The following ITGBL1 variants were observed in gnomAD, a reference collection of about 807,000 sequenced individuals.
The protein encoded by ITGBL1 is integrin beta-like protein 1.
ITGBL1 carries 51 observed loss-of-function variants against 68.5 expected under a neutral mutation model. The ratio of observed to expected loss-of-function variants is 0.74; its 90% confidence interval spans 0.59 to 0.94. The LOEUF is 0.94. Ranked by LOEUF, ITGBL1 falls within the 40% of genes least tolerant of loss-of-function variation. The pLI is 0.00. For missense variants in ITGBL1, 649 were observed against 647.4 expected (o/e 1.00, Z -0.03); for synonymous variants, 209 against 227.3 (o/e 0.92, Z 0.72).
chr13:101,592,478 A>G (rs911148871), intron 6 of ITGBL1, among the ~76,000 whole-genome samples: 1 of 152,088 alleles, frequency 6.6e-6, no homozygotes, highest in South Asian at 2.1e-4. Context: ...TGCACCAAAA[A>G]CTGTAAAACA....
intron 2 of ITGBL1, among the ~76,000 whole-genome samples, chr13:101,455,003 CT>C (rs1444616991): frequency 1.3e-5 from 2 of 152,164 alleles, no homozygotes; most frequent in Non-Finnish European, 2.9e-5. Flanking sequence ...CCCTTAACCT[CT>C]TTACCTGTGT....
intron 2 of ITGBL1, among the ~76,000 whole-genome samples, chr13:101,473,517 A>C (rs994192196): frequency 6.6e-6 from 1 of 152,210 alleles, no homozygotes; most frequent in African/African-American, 2.4e-5. Context: ...AGTTCTGGCT[A>C]GCACCACCAC....
chr13:101,688,503 T>C (rs2033807815), intron 7 of ITGBL1, among the ~76,000 whole-genome samples: 1 of 152,148 alleles, frequency 6.6e-6, no homozygotes, highest in African/African-American at 2.4e-5. Context: ...GGATATATAC[T>C]TGAAAAGTTT....
intron 7 of ITGBL1, among the ~76,000 whole-genome samples, chr13:101,655,370 G>T (rs910064078): frequency 1.4e-4 from 21 of 147,690 alleles, no homozygotes; most frequent in Non-Finnish European, 2.8e-4. Flanking sequence ...GAAACGCAAG[G>T]TGATAGACAA....
chr13:101,622,872 A>G (rs2031635689), intron 7 of ITGBL1, among the ~76,000 whole-genome samples: 1 of 151,566 alleles, frequency 6.6e-6, no homozygotes, highest in East Asian at 1.9e-4. Context: ...GGGAAAAGAA[A>G]ATTGAATCTG....
At chr13:101,455,329 C>T (rs1002169733) in intron 2 of ITGBL1, among the ~76,000 whole-genome samples, 18 of 152,136 alleles carry the variant, frequency 1.2e-4, no homozygotes, top group African/African-American at 4.3e-4. Flanking sequence ...GCAGGTGCAT[C>T]TACTTGATTT....
chr13:101,515,583 C>G (rs1477137853), intron 2 of ITGBL1, among the ~76,000 whole-genome samples: 1 of 151,154 alleles, frequency 6.6e-6, no homozygotes, highest in Non-Finnish European at 1.5e-5. Flanking sequence ...ATTTTTTTTT[C>G]TTTTTCTTTC....
intron 2 of ITGBL1, among the ~76,000 whole-genome samples, chr13:101,547,917 A>G (rs1405549249): frequency 6.6e-6 from 1 of 151,456 alleles, no homozygotes; most frequent in African/African-American, 2.4e-5. Context: ...GTGTATATAT[A>G]TATATGTGTA....
intron 7 of ITGBL1, among the ~76,000 whole-genome samples, chr13:101,666,207 G>C (rs147404785): frequency 6.6e-6 from 1 of 152,028 alleles, no homozygotes; most frequent in Non-Finnish European, 1.5e-5. Context: ...TGGAACAGCC[G>C]GGCAGCCCCT....
intron 9 of ITGBL1, chr13:101,712,031 A>T (rs1206623736): frequency 6.6e-5 from 10 of 152,194 alleles, no homozygotes. Context: ...TGTGCTTCCC[A>T]TTTAAGAGAG....
chr13:101,558,611 T>C (rs2050049941), intron 2 of ITGBL1, among the ~76,000 whole-genome samples: 1 of 152,190 alleles, frequency 6.6e-6, no homozygotes, highest in Non-Finnish European at 1.5e-5. Context: ...CCATACTCTC[T>C]TTTATTATCA....
At chr13:101,674,098 G>A (rs7323652) in intron 7 of ITGBL1, among the ~76,000 whole-genome samples, 63,440 of 151,842 alleles carry the variant, frequency 0.42, 13,535 homozygotes, top group East Asian at 0.62. Context: ...TGAAGAAAGC[G>A]TTTTCATGCA....
In ITGBL1 at chr13:101,694,314, G is replaced by T. The variant is rs115342548; in HGVS notation, c.1132+1613G>T. ...ACTCATTTATTTATCATAGCAATATGTATGTATGTATATATACGTATTCAT... is the reference window on the plus strand; with the variant it reads ...ACTCATTTATTTATCATAGCAATATTTATGTATGTATATATACGTATTCAT... On this transcript the variant is annotated intron_variant, in intron 8 of 10. Coordinates refer to ENST00000376180, the MANE Select transcript of ITGBL1 (RefSeq NM_004791.3). 3.2e-3 allele frequency among the ~76,000 whole-genome samples: 485 copies of T among 152,276 alleles called. 2 individuals are homozygous for T. Among genetic ancestry groups the T allele is most frequent in the African/African-American group, 0.011 (451 of 41,550 alleles).
intron 2 of ITGBL1, among the ~76,000 whole-genome samples, chr13:101,497,611 T>C (rs2048875391): frequency 6.6e-6 from 1 of 152,188 alleles, no homozygotes. Context: ...TTGATTCCAC[T>C]TGGTGTGTTT....
chr13:101,714,496 G>A lies in ITGBL1; in HGVS notation c.1338G>A (p.Glu446=), dbSNP rs1249815304. 6.2e-7 allele frequency: 1 copy of A among 1,613,044 alleles called. No individual in the cohort carries two copies. The highest frequency in any genetic ancestry group is 1.7e-5 in the Admixed American group (1 of 60,000). The change falls in exon 10 of 11, where the codon GAG becomes GAA. Residue 446 remains glutamate, a synonymous_variant. Coordinates refer to ENST00000376180, the MANE Select transcript of ITGBL1 (RefSeq NM_004791.3). ...CTGAAGAGTGGTATATTTCTGGGGA[G>A]TTCTGTGACTGTGATGACAGAGACT... is the stretch of plus-strand genomic sequence containing the variant. ...CSAEEWYISG[E]FCDCDDRDCD...
chr13:101,665,830 GCC>G (rs2033201049), intron 7 of ITGBL1, among the ~76,000 whole-genome samples: 1 of 152,120 alleles, frequency 6.6e-6, no homozygotes, highest in Non-Finnish European at 1.5e-5. Context: ...ATAAGAGACT[GCC>G]AAAACCACAG....
chr13:101,605,743 TGTATGTGC>T lies in ITGBL1; in HGVS notation c.1015+7449_1015+7456del, dbSNP rs543713178. Among the ~76,000 whole-genome samples, 12 of 151,102 alleles carry T rather than the reference TGTATGTGC, an allele frequency of 7.9e-5. No homozygotes were observed. In the South Asian group the frequency reaches 2.5e-3, roughly 31 times the overall value. On this transcript the variant is annotated intron_variant, in intron 7 of 10. Transcript: ENST00000376180. ...ATGCGTGTACACGTATGTAGACATA[TGTATGTGC>T]GTATATGTGTGTACACGTGTGTAGG...
chr13:101,539,436 T>A (rs867182580), intron 2 of ITGBL1, among the ~76,000 whole-genome samples: 22 of 152,284 alleles, frequency 1.4e-4, no homozygotes, highest in Admixed American at 6.5e-4. Flanking sequence ...CACATTTTTT[T>A]AATTCAGTCT....
At chr13:101,624,416 C>T (rs1374406880) in intron 7 of ITGBL1, among the ~76,000 whole-genome samples, 7 of 151,982 alleles carry the variant, frequency 4.6e-5, no homozygotes, top group African/African-American at 1.5e-4. Context: ...GAAGTGTTCA[C>T]CTGAAAGCAT....
Sources: gnomAD v4.1 joint callset for allele counts (sites outside exome capture counted in the v4.1 genomes callset) on GRCh38, gnomAD v4.1.1 for gene constraint, MANE v1.5 for transcripts, NCBI Gene and HGNC (gene_info 2026-07-23, HGNC 2026-07-21) for gene names.